PRDM14: variants seen among roughly 807,000 people sequenced by gnomAD.
PRDM14 encodes the protein PR/SET domain 14, also known as PR domain zinc finger protein 14.
In PRDM14, 16 loss-of-function variants were observed where a neutral mutation model predicts 48.0. The ratio of observed to expected loss-of-function variants is 0.33; its 90% CI spans 0.23 to 0.51. The LOEUF (loss-of-function observed/expected upper bound fraction) is 0.51. Ranked by LOEUF, PRDM14 falls within the 20% of genes least tolerant of loss-of-function variation. PRDM14 has a pLI of 0.97. For synonymous variants in PRDM14, 264 were observed against 276.6 expected (o/e 0.95, Z 0.45); for missense variants, 566 against 719.6 (o/e 0.79, Z 2.44).
intron 5 of PRDM14, among the ~76,000 whole-genome samples, chr8:70,064,005 T>A (rs1423161551): frequency 6.6e-6 from 1 of 152,014 alleles, no homozygotes; most frequent in African/African-American, 2.4e-5. Flanking sequence ...ACACTTCTGG[T>A]CCCAGGCATT....
At chr8:70,066,054 C>T (rs1805661903) in intron 5 of PRDM14, among the ~76,000 whole-genome samples, 181 bp downstream of exon 5, 1 of 152,182 alleles carries the variant, frequency 6.6e-6, no homozygotes, top group Admixed American at 6.5e-5. Flanking sequence ...GCTTCCGCAG[C>T]TTTGGGAAAT....
chr8:70,070,806 T>C (rs971074649), intron 1 of PRDM14, among the ~76,000 whole-genome samples: 2 of 152,126 alleles, frequency 1.3e-5, no homozygotes, highest in Non-Finnish European at 2.9e-5. Context: ...AGGCAGCAAG[T>C]TCACCGAGGC....
chr8:70,052,061 A>T lies in PRDM14; in HGVS notation c.*16T>A, dbSNP rs1805394636. Reference sequence around the variant, plus strand: ...AGTGCTGGGATTACAGGCGTGAGTCATTGTGCCTGGCAGGGCTAGTAGTCT... The same window carrying T: ...AGTGCTGGGATTACAGGCGTGAGTCTTTGTGCCTGGCAGGGCTAGTAGTCT... On this transcript the variant is annotated 3_prime_UTR_variant, in exon 8 of 8. Transcript: ENST00000276594. The T allele has an allele frequency of 6.4e-7, 1 of 1,559,606 alleles. No individual in the cohort carries two copies. Among genetic ancestry groups the T allele is most frequent in the South Asian group, 1.2e-5 (1 of 85,228 alleles).
chr8:70,052,191 G>A lies in PRDM14; in HGVS notation c.1602C>T (p.Ser534=). ...CCTCCTTGTGTGAACGCCGGACATG[G>A]CTGTCATGGGCAGCATGGGATGCAA... The part of the protein sequence containing the change: ...KSFASHAAHD[S]HVRRSHKEDD... The change falls in exon 8 of 8, where the codon AGC becomes AGT. Residue 534 remains serine, a synonymous_variant. Coordinates refer to ENST00000276594, the MANE Select transcript of PRDM14 (RefSeq NM_024504.4). The A allele has an allele frequency of 6.2e-7, 1 of 1,613,930 alleles. No individual in the cohort carries two copies. Among genetic ancestry groups the A allele is most frequent in the Non-Finnish European group, 8.5e-7 (1 of 1,179,956 alleles).
Position 70,051,957 on chromosome 8 carries a change from A to C in PRDM14, c.*120T>G. The C allele has an allele frequency of 3.0e-6, 2 of 658,254 alleles. No homozygotes were observed. Among genetic ancestry groups the C allele is most frequent in the Non-Finnish European group, 5.1e-6 (2 of 392,604 alleles). 40.8% of individuals were successfully genotyped at this position (658,254 alleles called of 1,614,324 possible). On this transcript the variant is annotated 3_prime_UTR_variant, in exon 8 of 8. Transcript: ENST00000276594. Reference sequence around the variant, plus strand: ...CAGCTGATTTTTGTATTTTTTTGGTAGAGACAGGATTTCACCATGTTGCCC... The same window carrying C: ...CAGCTGATTTTTGTATTTTTTTGGTCGAGACAGGATTTCACCATGTTGCCC...
intron 5 of PRDM14, among the ~76,000 whole-genome samples, chr8:70,061,236 G>T (rs1407975426): frequency 6.6e-6 from 1 of 152,180 alleles, no homozygotes; most frequent in Admixed American, 6.5e-5. Context: ...GGACACTCTG[G>T]ATCCCAGAGG....
chr8:70,062,741 C>T (rs1475722168), intron 5 of PRDM14, among the ~76,000 whole-genome samples: 8 of 152,198 alleles, frequency 5.3e-5, no homozygotes, highest in Non-Finnish European at 1.0e-4. Flanking sequence ...GCTGGGATTA[C>T]AGGCATGAGC....
chr8:70,062,101 T>A (rs1805591038), intron 5 of PRDM14, among the ~76,000 whole-genome samples: 1 of 152,250 alleles, frequency 6.6e-6, no homozygotes, highest in Non-Finnish European at 1.5e-5. Context: ...CATTTATAAT[T>A]ATTCCCAACA....
chr8:70,061,283 C>A (rs1460025526), intron 5 of PRDM14, among the ~76,000 whole-genome samples: 1 of 152,146 alleles, frequency 6.6e-6, no homozygotes. Flanking sequence ...CCACAGAGAT[C>A]TCATTGTTTG....
chr8:70,063,959 T>G (rs1339422497), intron 5 of PRDM14, among the ~76,000 whole-genome samples: 1 of 152,134 alleles, frequency 6.6e-6, no homozygotes, highest in African/African-American at 2.4e-5. Context: ...CATTCCTATC[T>G]TCACCTACAT....
At chr8:70,066,991 A>G (rs1033332139) in intron 4 of PRDM14, among the ~76,000 whole-genome samples, 9 of 152,152 alleles carry the variant, frequency 5.9e-5, no homozygotes, top group African/African-American at 1.9e-4. Flanking sequence ...TGGCCTCCTA[A>G]AGTGCTAGAA....
At chr8:70,060,399 G>GA (rs766304029) in intron 5 of PRDM14, among the ~76,000 whole-genome samples, 29 of 104,684 alleles carry the variant, frequency 2.8e-4, no homozygotes, top group Non-Finnish European at 2.0e-4. Flanking sequence ...ACTTTGTCTC[G>GA]AAAAAAAAAA....
At chr8:70,067,535 A>AAAC (rs1015415558) in intron 4 of PRDM14, among the ~76,000 whole-genome samples, 4 of 147,828 alleles carry the variant, frequency 2.7e-5, no homozygotes, top group African/African-American at 1.1e-4. Flanking sequence ...AAAAAACAAA[A>AAAC]AAAAAAAAAC....
intron 2 of PRDM14, among the ~76,000 whole-genome samples, 199 bp downstream of exon 2, chr8:70,068,961 TA>T (rs1203090731): frequency 6.6e-6 from 1 of 152,190 alleles, no homozygotes; most frequent in Non-Finnish European, 1.5e-5. Context: ...CAGCTCTCAC[TA>T]AAACCAACCT....
intron 5 of PRDM14, among the ~76,000 whole-genome samples, chr8:70,063,006 T>C (rs961058818): frequency 2.7e-5 from 4 of 149,896 alleles, no homozygotes; most frequent in African/African-American, 1.0e-4. Flanking sequence ...ACAAGAGTGG[T>C]GCCACAGTTA....
At position 70,069,846 on chromosome 8, in the gene PRDM14, C is replaced by A. The variant is rs1327020303; in HGVS notation, c.15G>T (p.Arg5=). The part of the protein sequence containing the change: MALP[R]PSEAVPQDKV... ...TGTCCTGAGGCACGGCCTCACTTGG[C>A]CGGGGTAGAGCCATCCCGGGACCGC... The change falls in exon 2 of 8, where the codon CGG becomes CGT. Residue 5 remains arginine (R), a synonymous_variant. Coordinates refer to ENST00000276594, the MANE Select transcript of PRDM14 (RefSeq NM_024504.4). 1.2e-6 allele frequency: 2 copies of A among 1,602,132 alleles called. No individual in the cohort carries two copies. Among genetic ancestry groups the A allele is most frequent in the Non-Finnish European group, 1.7e-6 (2 of 1,174,782 alleles).
intron 5 of PRDM14, among the ~76,000 whole-genome samples, chr8:70,064,244 G>A (rs983920391): frequency 1.3e-5 from 2 of 151,810 alleles, no homozygotes; most frequent in Non-Finnish European, 2.9e-5. Context: ...TTTATCATTA[G>A]ATAAATAATG....
rs1469192967 is a variant in PRDM14 at position 70,069,413 on chromosome 8, T to C, written c.448A>G (p.Ile150Val). 1.2e-6 allele frequency: 2 copies of C among 1,604,320 alleles called. No homozygotes were observed. The highest frequency in any genetic ancestry group is 1.7e-5 in the Admixed American group (1 of 59,052). Residue 150 changes from isoleucine to valine, a missense_variant, in exon 2 of 8, where the codon ATT (isoleucine) becomes GTT (valine). Ile to Val is a conservative substitution (Grantham distance 29, BLOSUM62 3). Coordinates refer to ENST00000276594, the MANE Select transcript of PRDM14 (RefSeq NM_024504.4). Reference protein sequence around the residue: ...SGPCCGPDTLIPPPPADASLL... With the variant: ...SGPCCGPDTLVPPPPADASLL... ...GAAGCATCCGCAGGGGGCGGTGGAATTAAAGTGTCAGGTCCACAACACGGG... is the reference window on the plus strand; with the variant it reads ...GAAGCATCCGCAGGGGGCGGTGGAACTAAAGTGTCAGGTCCACAACACGGG...
At chr8:70,057,809 G>T (rs1805501164) in intron 6 of PRDM14, among the ~76,000 whole-genome samples, 1 of 152,134 alleles carries the variant, frequency 6.6e-6, no homozygotes, top group African/African-American at 2.4e-5. Context: ...AACTGTAAAT[G>T]TATTCAAATT....
Sources: gnomAD v4.1 joint callset for allele counts (sites outside exome capture counted in the v4.1 genomes callset) on GRCh38, gnomAD v4.1.1 for gene constraint, MANE v1.5 for transcripts, NCBI Gene and HGNC (gene_info 2026-07-23, HGNC 2026-07-21) for gene names.